Variants in TTLL5 observed in about 807,000 individuals in gnomAD.
TTLL5 encodes tubulin polyglutamylase TTLL5.
In TTLL5, 132 loss-of-function variants were observed where a neutral mutation model predicts 168.4. The observed-to-expected ratio is 0.78, with a 90% confidence interval of 0.68 to 0.91. The LOEUF (loss-of-function observed/expected upper bound fraction) is 0.91, where lower values mean the gene tolerates loss of function less well. Ranked by LOEUF, TTLL5 falls within the 40% of genes least tolerant of loss-of-function variation. TTLL5 has a pLI of 0.00. For synonymous variants in TTLL5, 546 were observed against 558.6 expected, an observed-to-expected ratio of 0.98 and a Z score of 0.32; for missense variants, 1,545 against 1,581.5, an observed-to-expected ratio of 0.98 and a Z score of 0.39.
At chr14:75,875,594 T>C (rs1467178718) in intron 29 of TTLL5, among the ~76,000 whole-genome samples, 1 of 151,978 alleles carries the variant, frequency 6.6e-6, no homozygotes, top group African/African-American at 2.4e-5. Flanking sequence ...TTTCCATAGC[T>C]TCAAATATAG....
intron 15 of TTLL5, among the ~76,000 whole-genome samples, chr14:75,739,915 G>C (rs187317667): frequency 1.1e-3 from 172 of 152,230 alleles, no homozygotes; most frequent in Admixed American, 2.8e-3. Flanking sequence ...TCACCTGTTT[G>C]TAGTCATGTT....
intron 18 of TTLL5, among the ~76,000 whole-genome samples, chr14:75,753,653 A>G (rs1487570320): frequency 6.6e-6 from 1 of 152,232 alleles, no homozygotes; most frequent in Non-Finnish European, 1.5e-5. Context: ...ATGATCTACT[A>G]TCAGGAAATA....
chr14:75,779,861 T>G (rs981865617), intron 24 of TTLL5, among the ~76,000 whole-genome samples, 159 bp downstream of exon 24: 1 of 152,150 alleles, frequency 6.6e-6, no homozygotes, highest in African/African-American at 2.4e-5. Context: ...GGGACAGTAC[T>G]TTTTGTCCTA....
intron 29 of TTLL5, among the ~76,000 whole-genome samples, chr14:75,865,268 T>G (rs2030416788): frequency 6.7e-6 from 1 of 149,068 alleles, no homozygotes; most frequent in Admixed American, 6.7e-5. Flanking sequence ...TAGTTGTTGT[T>G]TTTTTTTTTT....
chr14:75,871,454 C>T (rs1003938653), intron 29 of TTLL5, among the ~76,000 whole-genome samples: 6 of 152,008 alleles, frequency 3.9e-5, no homozygotes, highest in Admixed American at 6.6e-5. Flanking sequence ...TCCTCCCCCA[C>T]GACAGAATTG....
intron 12 of TTLL5, among the ~76,000 whole-genome samples, chr14:75,724,774 A>G (rs891710971): frequency 3.3e-5 from 5 of 152,202 alleles, no homozygotes; most frequent in Admixed American, 6.5e-5. Context: ...TCTAATTTTT[A>G]CTGCCTTCCA....
At chr14:75,808,318 T>C (rs1474171633) in intron 27 of TTLL5, among the ~76,000 whole-genome samples, 2 of 152,242 alleles carry the variant, frequency 1.3e-5, no homozygotes, top group South Asian at 2.1e-4. Flanking sequence ...AGAGATTCCC[T>C]GCTTTTCCTG....
intron 28 of TTLL5, among the ~76,000 whole-genome samples, chr14:75,856,414 CTG>C (rs1481386018): frequency 5.9e-5 from 9 of 152,166 alleles, no homozygotes; most frequent in South Asian, 4.2e-4. Flanking sequence ...AATTGTGAAA[CTG>C]AGAAAAACAA....
intron 27 of TTLL5, among the ~76,000 whole-genome samples, chr14:75,819,114 A>G (rs1179188577): frequency 2.0e-5 from 3 of 152,188 alleles, no homozygotes; most frequent in Non-Finnish European, 4.4e-5. Context: ...CGACGTACTC[A>G]TTTACACATA....
chr14:75,703,992 C>T (rs935959774), intron 7 of TTLL5, among the ~76,000 whole-genome samples: 1 of 152,192 alleles, frequency 6.6e-6, no homozygotes, highest in Non-Finnish European at 1.5e-5. Flanking sequence ...ATTAGAACCA[C>T]ATATATTCTG....
intron 31 of TTLL5, among the ~76,000 whole-genome samples, chr14:75,930,086 T>G (rs908103062): frequency 1.3e-5 from 2 of 152,220 alleles, no homozygotes; most frequent in African/African-American, 4.8e-5. Context: ...ACTTCTGTTT[T>G]CTATTCCCAC....
chr14:75,779,392 T>C (rs561358890), intron 23 of TTLL5, among the ~76,000 whole-genome samples, 183 bp from the exon 24 acceptor site: 2 of 152,268 alleles, frequency 1.3e-5, no homozygotes, highest in East Asian at 1.9e-4. Flanking sequence ...TAAAGCCTTA[T>C]GCTTTAAATT....
At chr14:75,937,679 G>A (rs547912032) in intron 31 of TTLL5, among the ~76,000 whole-genome samples, 4 of 152,090 alleles carry the variant, frequency 2.6e-5, no homozygotes, top group South Asian at 2.1e-4. Flanking sequence ...GTTCATCTGC[G>A]TTGTAACAAG....
intron 12 of TTLL5, among the ~76,000 whole-genome samples, chr14:75,731,995 C>T (rs1040140201): frequency 6.7e-6 from 1 of 149,810 alleles, no homozygotes; most frequent in Non-Finnish European, 1.5e-5. Flanking sequence ...TTCCTTTCCC[C>T]GCCTCTTTTT....
chr14:75,874,969 T>A (rs2031363267), intron 29 of TTLL5, among the ~76,000 whole-genome samples: 1 of 125,882 alleles, frequency 7.9e-6, no homozygotes, highest in Admixed American at 9.6e-5. Context: ...AGTCTCACTC[T>A]GTCACCCAGG....
chr14:75,759,805 A>T (rs763818053), intron 18 of TTLL5, among the ~76,000 whole-genome samples: 23 of 152,132 alleles, frequency 1.5e-4, no homozygotes, highest in Non-Finnish European at 3.2e-4. Context: ...CAAAAAAGCA[A>T]CTGATGAAAT....
intron 24 of TTLL5, among the ~76,000 whole-genome samples, chr14:75,781,349 A>G (rs1440953531): frequency 6.6e-6 from 1 of 152,206 alleles, no homozygotes; most frequent in Non-Finnish European, 1.5e-5. Flanking sequence ...GACATTTGAT[A>G]GTATAGTATC....
Position 75,843,857 on chromosome 14 carries a change from A to ATTTTGTTTTG in TTLL5, c.3327-19795_3327-19786dup, listed in dbSNP as rs1555350782. On this transcript the variant is annotated intron_variant, in intron 28 of 31. Transcript: ENST00000298832. The stretch of plus-strand genomic sequence containing the variant: ...TAGTTTCTCATTTTATATTTATTTT[A>ATTTTGTTTTG]TTTTGTTTTGTTTTGTTTTGTTTTA... Among the ~76,000 whole-genome samples, 149 of 99,310 alleles carry ATTTTGTTTTG rather than the reference A, an allele frequency of 1.5e-3. 1 individual carries two copies. Among genetic ancestry groups the ATTTTGTTTTG allele is most frequent in the African/African-American group, 3.9e-3 (129 of 32,772 alleles). 65.2% of individuals were successfully genotyped at this position (99,310 alleles called of 152,430 possible).
intron 4 of TTLL5, 68 bp from the exon 5 acceptor site, chr14:75,683,482 A>G: frequency 7.7e-7 from 1 of 1,304,546 alleles, no homozygotes. Flanking sequence ...TTTTTCTGCC[A>G]TTGCTTTTCC....
Sources: gnomAD v4.1 joint callset for allele counts (sites outside exome capture counted in the v4.1 genomes callset) on GRCh38, gnomAD v4.1.1 for gene constraint, MANE v1.5 for transcripts, NCBI Gene and HGNC (gene_info 2026-07-23, HGNC 2026-07-21) for gene names.